Variants in EXOSC7 observed in about 807,000 individuals in gnomAD.
EXOSC7 encodes the protein exosome component 7.
EXOSC7 carries 25 observed loss-of-function variants against 34.3 expected under a neutral mutation model. The observed-to-expected ratio is 0.73, with a 90% CI of 0.53 to 1.02. The LOEUF (loss-of-function observed/expected upper bound fraction) is 1.02. EXOSC7 is among the 50% of genes least tolerant of loss of function. The probability of loss-of-function intolerance (pLI) is 0.00; values close to 1 mark genes in which losing one functional copy is unlikely to be tolerated. For synonymous variants in EXOSC7, 130 were observed against 143.0 expected (o/e 0.91, Z 0.65); for missense variants, 370 against 368.5 (o/e 1.00, Z -0.03).
At chr3:44,999,339 A>C (rs896029650) in intron 4 of EXOSC7, among the ~76,000 whole-genome samples, 6 of 152,134 alleles carry the variant, frequency 3.9e-5, no homozygotes, top group African/African-American at 1.4e-4. Flanking sequence ...TTTCTTCTGA[A>C]ATATTTGTTT....
downstream of EXOSC7, chr3:45,012,333 GT>G (rs903807757): frequency 1.3e-5 from 2 of 152,270 alleles, no homozygotes; most frequent in Non-Finnish European, 2.9e-5. Flanking sequence ...AGAACATAAT[GT>G]GAGCTGAAGC....
intron 3 of EXOSC7, among the ~76,000 whole-genome samples, chr3:44,996,043 A>G (rs1706713338): frequency 6.6e-6 from 1 of 152,108 alleles, no homozygotes; most frequent in South Asian, 2.1e-4. Flanking sequence ...CCCTATGGTG[A>G]AACTCCCCTA....
intron 1 of EXOSC7, among the ~76,000 whole-genome samples, chr3:44,987,331 T>C (rs1360595419): frequency 1.3e-5 from 2 of 152,196 alleles, no homozygotes. Flanking sequence ...AGAACTATAG[T>C]GATAGCTCAC....
chr3:44,992,126 C>T (rs1332980245), intron 3 of EXOSC7, among the ~76,000 whole-genome samples: 6 of 152,144 alleles, frequency 3.9e-5, no homozygotes, highest in Non-Finnish European at 5.9e-5. Flanking sequence ...TCTGGACACC[C>T]GTGGATGTGC....
At chr3:44,994,856 GGTGTGTGTGTGTGTGTGTGT>G (rs34579096) in intron 3 of EXOSC7, among the ~76,000 whole-genome samples, 20 of 134,948 alleles carry the variant, frequency 1.5e-4, no homozygotes, top group African/African-American at 2.3e-4. Context: ...TGGAAGAATG[GGTGTGTGTGTGTGTGTGTGT>G]GTGTGTGTGT....
chr3:45,010,790 G>A (rs1271001055), intron 7 of EXOSC7, among the ~76,000 whole-genome samples: 2 of 152,198 alleles, frequency 1.3e-5, no homozygotes, highest in Non-Finnish European at 2.9e-5. Flanking sequence ...ATGAGAAGCT[G>A]CTTACTAAAA....
chr3:44,987,327 A>C (rs777470866), intron 1 of EXOSC7, among the ~76,000 whole-genome samples: 3 of 152,258 alleles, frequency 2.0e-5, no homozygotes, highest in Non-Finnish European at 4.4e-5. Flanking sequence ...TCTCAGAACT[A>C]TAGTGATAGC....
At chr3:45,007,989 A>G (rs996252084) in intron 7 of EXOSC7, among the ~76,000 whole-genome samples, 1 of 152,176 alleles carries the variant, frequency 6.6e-6, no homozygotes, top group Non-Finnish European at 1.5e-5. Flanking sequence ...CACGGGCTGA[A>G]CTGTGGCTGT....
chr3:44,994,859 GTGTGTGTGTGT>G (rs1559746610), intron 3 of EXOSC7, among the ~76,000 whole-genome samples: 3 of 7,478 alleles, frequency 4.0e-4, no homozygotes, highest in African/African-American at 9.7e-4. Flanking sequence ...AAGAATGGGT[GTGTGTGTGTGT>G]GTGTGTGTGT....
At chr3:44,993,465 A>T (rs1000942220) in intron 3 of EXOSC7, among the ~76,000 whole-genome samples, 1 of 152,036 alleles carries the variant, frequency 6.6e-6, no homozygotes, top group Non-Finnish European at 1.5e-5. Flanking sequence ...CAGGCAAGCA[A>T]CAGTGGGCCC....
chr3:44,989,463 CA>C, intron 2 of EXOSC7, 86 bp from the exon 3 acceptor site: 1 of 1,120,596 alleles, frequency 8.9e-7, no homozygotes, highest in Non-Finnish European at 1.3e-6. Context: ...AAGAGTCCCC[CA>C]GGGGTGTATG....
intron 1 of EXOSC7, among the ~76,000 whole-genome samples, chr3:44,980,392 T>C (rs542393942): frequency 2.6e-5 from 4 of 152,346 alleles, no homozygotes; most frequent in African/African-American, 9.6e-5. Context: ...TAGGTACATA[T>C]TATAATTTTT....
chr3:44,983,342 A>G (rs1049775786), intron 1 of EXOSC7, among the ~76,000 whole-genome samples: 5 of 152,144 alleles, frequency 3.3e-5, no homozygotes, highest in African/African-American at 9.7e-5. Context: ...GGGGACTCCT[A>G]TGTGTTACAC....
chr3:45,003,516 A>G (rs1351600725), intron 5 of EXOSC7, among the ~76,000 whole-genome samples: 1 of 152,066 alleles, frequency 6.6e-6, no homozygotes, highest in Non-Finnish European at 1.5e-5. Flanking sequence ...TCTGATCTAG[A>G]TGTTGCCTTG....
chr3:44,979,714 G>A (rs777960963), intron 1 of EXOSC7, among the ~76,000 whole-genome samples: 60 of 151,828 alleles, frequency 4.0e-4, no homozygotes, highest in Non-Finnish European at 7.5e-4. Flanking sequence ...ATTCCTTCTC[G>A]TTCAGTTCTG....
At chr3:44,999,252 G>A (rs1434647094) in intron 4 of EXOSC7, among the ~76,000 whole-genome samples, 2 of 152,190 alleles carry the variant, frequency 1.3e-5, no homozygotes, top group Non-Finnish European at 2.9e-5. Flanking sequence ...TACATGGTGC[G>A]CAGGAATATC....
At chr3:44,987,420 G>A (rs1706451634) in intron 1 of EXOSC7, among the ~76,000 whole-genome samples, 1 of 152,216 alleles carries the variant, frequency 6.6e-6, no homozygotes. Flanking sequence ...ATTTACAAAT[G>A]AAAATTAGCC....
chr3:45,008,942 G>A (rs1265402034), intron 7 of EXOSC7, among the ~76,000 whole-genome samples: 1 of 152,186 alleles, frequency 6.6e-6, no homozygotes, highest in African/African-American at 2.4e-5. Flanking sequence ...ATATCATTTA[G>A]TCCTCAACAA....
At chr3:45,003,228 T>C (rs1411569531) in intron 5 of EXOSC7, among the ~76,000 whole-genome samples, 1 of 152,180 alleles carries the variant, frequency 6.6e-6, no homozygotes. Flanking sequence ...TATTGGCATA[T>C]TCAGGGTCCT....
Sources: gnomAD v4.1 joint callset for allele counts (sites outside exome capture counted in the v4.1 genomes callset) on GRCh38, gnomAD v4.1.1 for gene constraint, MANE v1.5 for transcripts, NCBI Gene and HGNC (gene_info 2026-07-23, HGNC 2026-07-21) for gene names.